Variants in FAF1 observed in about 807,000 individuals in gnomAD.
The protein encoded by FAF1 is FAS-associated factor 1.
Under a neutral mutation model 92.5 loss-of-function variants are expected in FAF1, and 25 were observed. The observed-to-expected ratio is 0.27, with a 90% CI of 0.20 to 0.38. The LOEUF (loss-of-function observed/expected upper bound fraction) is 0.38, where lower values mean the gene tolerates loss of function less well. Ranked by LOEUF, FAF1 falls within the 10% of genes least tolerant of loss-of-function variation. The pLI is 1.00. For missense variants in FAF1, 636 were observed against 793.3 expected (o/e 0.80, Z 2.38); for synonymous variants, 234 against 273.2 (o/e 0.86, Z 1.42).
At chr1:50,564,297 T>TTTTTTTTTTTTTTTTTGA (rs1195965167) in intron 13 of FAF1, among the ~76,000 whole-genome samples, 1 of 152,042 alleles carries the variant, frequency 6.6e-6, no homozygotes, top group Admixed American at 6.6e-5. Flanking sequence ...TAAATTTTTA[T>TTTTTTTTTTTTTTTTTGA]GGCCTGTCTG....
At chr1:50,559,246 G>A (rs1197750850) in intron 13 of FAF1, among the ~76,000 whole-genome samples, 2 of 148,124 alleles carry the variant, frequency 1.4e-5, no homozygotes, top group African/African-American at 2.5e-5. Flanking sequence ...GCGAGACTCC[G>A]TCTCAAAAAA....
intron 2 of FAF1, among the ~76,000 whole-genome samples, chr1:50,836,244 C>A (rs1383718120): frequency 7.4e-6 from 1 of 135,364 alleles, no homozygotes; most frequent in Non-Finnish European, 1.5e-5. Flanking sequence ...GATCATAGCT[C>A]ACTTTAACTT....
chr1:50,747,093 G>A (rs990720055), intron 4 of FAF1, among the ~76,000 whole-genome samples: 5 of 152,232 alleles, frequency 3.3e-5, no homozygotes, highest in African/African-American at 1.2e-4. Flanking sequence ...TACTAGGACA[G>A]TGCAGAGAAG....
intron 6 of FAF1, among the ~76,000 whole-genome samples, chr1:50,724,656 T>TC (rs1313652700): frequency 6.6e-6 from 1 of 152,136 alleles, no homozygotes; most frequent in African/African-American, 2.4e-5. Flanking sequence ...GCTTTCCCAC[T>TC]CCCCCTTCCT....
At chr1:50,625,927 C>G (rs993797951) in intron 8 of FAF1, among the ~76,000 whole-genome samples, 2 of 152,030 alleles carry the variant, frequency 1.3e-5, no homozygotes, top group Non-Finnish European at 2.9e-5. Context: ...ACAGAAAGAT[C>G]TGAAACAGGG....
chr1:50,533,128 G>A (rs1337220231), intron 15 of FAF1, among the ~76,000 whole-genome samples: 1 of 151,964 alleles, frequency 6.6e-6, no homozygotes, highest in African/African-American at 2.4e-5. Flanking sequence ...ACTTGTTACA[G>A]GGTCCCACGT....
intron 7 of FAF1, among the ~76,000 whole-genome samples, chr1:50,694,565 A>C (rs1461823831): frequency 6.6e-6 from 1 of 151,396 alleles, no homozygotes; most frequent in Non-Finnish European, 1.5e-5. Context: ...AAAAAAAAAA[A>C]AACCCACAAA....
At chr1:50,524,782 C>G (rs910056634) in intron 15 of FAF1, among the ~76,000 whole-genome samples, 1 of 152,152 alleles carries the variant, frequency 6.6e-6, no homozygotes, top group African/African-American at 2.4e-5. Flanking sequence ...ATTTTGGGTA[C>G]TGCAACCCTG....
intron 17 of FAF1, among the ~76,000 whole-genome samples, chr1:50,477,749 A>G (rs1208422733): frequency 1.3e-5 from 2 of 152,240 alleles, no homozygotes; most frequent in Non-Finnish European, 2.9e-5. Context: ...CCTTCTTACT[A>G]GCCTGCAAGC....
At chr1:50,733,620 T>C (rs1659020262) in intron 6 of FAF1, among the ~76,000 whole-genome samples, 1 of 151,492 alleles carries the variant, frequency 6.6e-6, no homozygotes, top group Non-Finnish European at 1.5e-5. Context: ...CTCTCTCTCC[T>C]CTCTCTCTCT....
intron 1 of FAF1, among the ~76,000 whole-genome samples, chr1:50,927,040 C>T (rs1459748620): frequency 6.6e-6 from 1 of 152,090 alleles, no homozygotes; most frequent in Non-Finnish European, 1.5e-5. Context: ...AATTCCACGT[C>T]TATAAGTACT....
chr1:50,830,497 T>C (rs1444660817), intron 2 of FAF1, among the ~76,000 whole-genome samples: 2 of 152,234 alleles, frequency 1.3e-5, no homozygotes, highest in East Asian at 1.9e-4. Flanking sequence ...TTAATTCAAA[T>C]TGACCATTAG....
At chr1:50,776,885 A>G (rs1275622228) in intron 4 of FAF1, among the ~76,000 whole-genome samples, 3 of 152,184 alleles carry the variant, frequency 2.0e-5, no homozygotes, top group Non-Finnish European at 4.4e-5. Context: ...AGCATCATCA[A>G]TTCTGACCAA....
At chr1:50,586,684 G>A (rs866454508) in intron 9 of FAF1, among the ~76,000 whole-genome samples, 46 of 152,204 alleles carry the variant, frequency 3.0e-4, no homozygotes, top group African/African-American at 1.1e-3. Context: ...AGATCTCCTG[G>A]TTTAAGCTAG....
intron 13 of FAF1, among the ~76,000 whole-genome samples, chr1:50,546,300 AG>A (rs1313316877): frequency 1.1e-4 from 16 of 152,218 alleles, no homozygotes; most frequent in Admixed American, 1.0e-3. Flanking sequence ...GATAAAAGGA[AG>A]GTATTAAATT....
chr1:50,724,967 A>G (rs879841166), intron 6 of FAF1, among the ~76,000 whole-genome samples: 7 of 152,186 alleles, frequency 4.6e-5, no homozygotes, highest in Non-Finnish European at 1.0e-4. Flanking sequence ...ACTCCTACAG[A>G]CCACATGAGC....
chr1:50,525,976 A>G (rs1299406820), intron 15 of FAF1, among the ~76,000 whole-genome samples: 6 of 152,248 alleles, frequency 3.9e-5, no homozygotes, highest in Non-Finnish European at 8.8e-5. Context: ...CCAGATGCAA[A>G]CCACAAACTT....
rs557349891 is a variant in FAF1, at chr1:50,897,815, T to C, written c.46-39818A>G. 3.9e-5 allele frequency among the ~76,000 whole-genome samples: 6 copies of C among 152,306 alleles called. No homozygotes were observed. The South Asian group carries it at 8.3e-4, about 21-fold the overall frequency. ...ATGCAAAACATGGTCAGAAGTCACA[T>C]TGTGACAATTCTGAGCCTATGCCTT... On this transcript the variant is annotated intron_variant, in intron 1 of 18. Coordinates refer to ENST00000396153, the MANE Select transcript of FAF1 (RefSeq NM_007051.3).
chr1:50,819,634 T>TCACACACACACA (rs1291338974), intron 2 of FAF1, among the ~76,000 whole-genome samples: 3 of 86,318 alleles, frequency 3.5e-5, no homozygotes, highest in African/African-American at 1.9e-4. Context: ...ACTGACTGAC[T>TCACACACACACA]CACTCACACA....
Sources: gnomAD v4.1 joint callset for allele counts (sites outside exome capture counted in the v4.1 genomes callset) on GRCh38, gnomAD v4.1.1 for gene constraint, MANE v1.5 for transcripts, NCBI Gene and HGNC (gene_info 2026-07-23, HGNC 2026-07-21) for gene names.